GOLM2: variants seen among roughly 807,000 people sequenced by gnomAD.
GOLM2 encodes the protein golgi membrane protein 2, also known as protein GOLM2.
A neutral mutation model predicts 55.9 loss-of-function variants in GOLM2; 26 were observed. The ratio of observed to expected loss-of-function variants is 0.47; its 90% confidence interval spans 0.34 to 0.65. GOLM2 has a LOEUF of 0.65. Among genes scored for constraint, GOLM2 ranks in the 30% least tolerant of loss-of-function variants. GOLM2 has a pLI of 0.01. For missense variants in GOLM2, 486 were observed against 531.8 expected, an observed-to-expected ratio of 0.91 and a Z score of 0.85; for synonymous variants, 165 against 194.6, an observed-to-expected ratio of 0.85 and a Z score of 1.27.
At chr15:44,366,138 A>G (rs533321487) in intron 6 of GOLM2, among the ~76,000 whole-genome samples, 34 of 152,096 alleles carry the variant, frequency 2.2e-4, no homozygotes, top group African/African-American at 8.0e-4. Context: ...TCTAGTAAAA[A>G]TACAAAAAAT....
intron 6 of GOLM2, among the ~76,000 whole-genome samples, chr15:44,354,306 G>C (rs1171327998): frequency 2.2e-5 from 3 of 139,426 alleles, no homozygotes; most frequent in Admixed American, 7.2e-5. Flanking sequence ...TTGTGTAGTG[G>C]GGGGAGGGGG....
chr15:44,403,248 C>A (rs947597981), intron 9 of GOLM2, 194 bp downstream of exon 9: 12 of 569,878 alleles, frequency 2.1e-5, no homozygotes, highest in Non-Finnish European at 3.2e-5. Flanking sequence ...CCGCAACCTC[C>A]ACCTCCCGGG....
intron 1 of GOLM2, among the ~76,000 whole-genome samples, chr15:44,291,959 A>C (rs1163125483): frequency 2.6e-4 from 39 of 152,266 alleles, no homozygotes; most frequent in Non-Finnish European, 7.4e-5. Context: ...AGGCTATTCA[A>C]TTTTGTTTAA....
At chr15:44,398,013 C>T (rs1282075093) in intron 8 of GOLM2, among the ~76,000 whole-genome samples, 2 of 152,214 alleles carry the variant, frequency 1.3e-5, no homozygotes, top group African/African-American at 2.4e-5. Flanking sequence ...TGTAAGTCCT[C>T]ATAGCTTCTT....
intron 1 of GOLM2, among the ~76,000 whole-genome samples, chr15:44,306,360 C>G (rs1567021317): frequency 2.0e-5 from 3 of 151,944 alleles, no homozygotes; most frequent in Non-Finnish European, 4.4e-5. Context: ...TTTTCTTGTA[C>G]AGCTTCTTTA....
At chr15:44,385,873 A>C (rs1283283995) in intron 8 of GOLM2, among the ~76,000 whole-genome samples, 1 of 151,928 alleles carries the variant, frequency 6.6e-6, no homozygotes, top group East Asian at 1.9e-4. Flanking sequence ...GCCCATTTTT[A>C]TGTTGGGTTA....
chr15:44,353,964 G>A (rs2079181234), intron 6 of GOLM2, among the ~76,000 whole-genome samples: 1 of 152,068 alleles, frequency 6.6e-6, no homozygotes, highest in Non-Finnish European at 1.5e-5. Context: ...AATGCTTGAG[G>A]TGATGGATGC....
chr15:44,295,823 A>G (rs2078752421), intron 1 of GOLM2, among the ~76,000 whole-genome samples: 1 of 152,068 alleles, frequency 6.6e-6, no homozygotes, highest in Non-Finnish European at 1.5e-5. Context: ...GTCTCCAAAT[A>G]CAGTTACATT....
chr15:44,388,041 T>G (rs2079459845), intron 8 of GOLM2, among the ~76,000 whole-genome samples: 1 of 150,370 alleles, frequency 6.7e-6, no homozygotes, highest in Non-Finnish European at 1.5e-5. Context: ...CAATCTCAGC[T>G]GACTAGAACC....
intron 8 of GOLM2, among the ~76,000 whole-genome samples, chr15:44,401,210 C>G (rs776818589): frequency 1.3e-5 from 2 of 152,078 alleles, no homozygotes; most frequent in African/African-American, 2.4e-5. Context: ...CTCCTGACCT[C>G]AAATGATCCT....
intron 6 of GOLM2, among the ~76,000 whole-genome samples, chr15:44,362,270 A>T (rs921731309): frequency 6.8e-6 from 1 of 147,274 alleles, no homozygotes; most frequent in Non-Finnish European, 1.5e-5. Flanking sequence ...GTTTGCAGAC[A>T]ACATGATTGT....
At chr15:44,379,095 A>G (rs2079384262) in intron 6 of GOLM2, among the ~76,000 whole-genome samples, 1 of 152,138 alleles carries the variant, frequency 6.6e-6, no homozygotes, top group Non-Finnish European at 1.5e-5. Flanking sequence ...CATGCTAGGC[A>G]TGTTCTAGAT....
At chr15:44,370,142 G>A (rs1416008102) in intron 6 of GOLM2, among the ~76,000 whole-genome samples, 1 of 152,128 alleles carries the variant, frequency 6.6e-6, no homozygotes, top group Middle Eastern at 3.2e-3. Context: ...GATTAAGGGT[G>A]GGTCTGCCTT....
chr15:44,346,235 A>G (rs2079123715), intron 6 of GOLM2: 1 of 152,008 alleles, frequency 6.6e-6, no homozygotes, highest in Non-Finnish European at 1.5e-5. Context: ...AGGTAGAGGT[A>G]ATCTATTTGT....
chr15:44,389,523 G>A (rs932056869), intron 8 of GOLM2, among the ~76,000 whole-genome samples: 5 of 152,090 alleles, frequency 3.3e-5, no homozygotes, highest in African/African-American at 1.2e-4. Context: ...GTGAGACCCT[G>A]TCTCAAATAA....
At chr15:44,319,529 C>T (rs1054147424) in intron 1 of GOLM2, among the ~76,000 whole-genome samples, 4 of 151,790 alleles carry the variant, frequency 2.6e-5, no homozygotes, top group African/African-American at 9.7e-5. Context: ...CTTCCAGTTT[C>T]CTGTATGATA....
chr15:44,367,228 T>TC (rs1260629535), intron 6 of GOLM2, among the ~76,000 whole-genome samples: 69 of 151,220 alleles, frequency 4.6e-4, no homozygotes, highest in African/African-American at 1.6e-3. Context: ...TTTTTTTTTT[T>TC]CTGTCTGGCC....
chr15:44,386,221 A>T (rs1327642067), intron 8 of GOLM2, among the ~76,000 whole-genome samples: 2 of 152,160 alleles, frequency 1.3e-5, no homozygotes, highest in East Asian at 3.9e-4. Context: ...ATATGGTTTG[A>T]GGTAAGGTCT....
At position 44,313,795 on chromosome 15, in the gene GOLM2, G is replaced by A. The variant is rs376095776; in HGVS notation, c.328-9170G>A. ...CTAGCACATAGTGGGTACTCACTAA[G>A]TGCTTTATAAATGACTGATTGAATA... On this transcript the variant is annotated intron_variant, in intron 1 of 9. Coordinates refer to ENST00000299957, the MANE Select transcript of GOLM2 (RefSeq NM_138423.4). Among the ~76,000 whole-genome samples the A allele has an allele frequency of 3.5e-4, 53 of 152,218 alleles. 1 individual carries two copies. The East Asian group carries it at 7.1e-3, about 21-fold the overall frequency.
Sources: gnomAD v4.1 joint callset for allele counts (sites outside exome capture counted in the v4.1 genomes callset) on GRCh38, gnomAD v4.1.1 for gene constraint, MANE v1.5 for transcripts, NCBI Gene and HGNC (gene_info 2026-07-23, HGNC 2026-07-21) for gene names.